Variants in SPOCK3 observed in about 807,000 individuals in gnomAD.
SPOCK3 encodes testican-3.
Under a neutral mutation model 56.6 loss-of-function variants are expected in SPOCK3, and 30 were observed. That is an observed-to-expected ratio of 0.53 (90% CI 0.40 to 0.72). The LOEUF (loss-of-function observed/expected upper bound fraction) is 0.72. Among genes scored for constraint, SPOCK3 ranks in the 30% least tolerant of loss-of-function variants. The pLI is 0.00. For synonymous variants in SPOCK3, 196 were observed against 183.3 expected, an observed-to-expected ratio of 1.07 and a Z score of -0.56; for missense variants, 527 against 530.0, an observed-to-expected ratio of 0.99 and a Z score of 0.06.
chr4:166,735,849 G>A, intron 10 of SPOCK3, among the ~76,000 whole-genome samples: 1 of 152,016 alleles, frequency 6.6e-6, no homozygotes, highest in East Asian at 1.9e-4. Context: ...CAGAAATGTA[G>A]GATAAATGTG....
At position 166,851,918 on chromosome 4, in the gene SPOCK3, T is replaced by C. The variant is rs113556828; in HGVS notation, c.589+37212A>G. Among the ~76,000 whole-genome samples the C allele has an allele frequency of 7.5e-3, 1,123 of 149,112 alleles. 6 individuals carry two copies. Among genetic ancestry groups the C allele is most frequent in the African/African-American group, 0.016 (651 of 40,350 alleles). On this transcript the variant is annotated intron_variant, in intron 6 of 10. Coordinates refer to ENST00000357545, the MANE Select transcript of SPOCK3 (RefSeq NM_001040159.2). ...AACCCAAATGTCCAACAATGATAGA[T>C]TGGATTAAGAAAATGTGGCACATAT... is the stretch of plus-strand genomic sequence containing the variant.
chr4:167,138,263 G>T (rs1763272755), intron 2 of SPOCK3, among the ~76,000 whole-genome samples: 1 of 151,646 alleles, frequency 6.6e-6, no homozygotes, highest in Non-Finnish European at 1.5e-5. Flanking sequence ...AAAACATTAG[G>T]TTTTAACTTC....
At chr4:167,169,903 T>C (rs78555382) in intron 2 of SPOCK3, among the ~76,000 whole-genome samples, 2 of 152,122 alleles carry the variant, frequency 1.3e-5, no homozygotes, top group South Asian at 2.1e-4. Flanking sequence ...GTTTTATAAA[T>C]GGGAGTTCCT....
At chr4:167,220,733 C>T (rs1279440149) in intron 2 of SPOCK3, among the ~76,000 whole-genome samples, 3 of 151,972 alleles carry the variant, frequency 2.0e-5, no homozygotes, top group Non-Finnish European at 4.4e-5. Flanking sequence ...GATATTCAGA[C>T]CTGCACTTTG....
At chr4:166,978,624 T>C (rs1189647729) in intron 4 of SPOCK3, among the ~76,000 whole-genome samples, 1 of 152,208 alleles carries the variant, frequency 6.6e-6, no homozygotes, top group East Asian at 1.9e-4. Context: ...GCCACTTGCA[T>C]TAACAGTTTA....
At chr4:166,850,980 C>A (rs1729978420) in intron 6 of SPOCK3, among the ~76,000 whole-genome samples, 1 of 152,366 alleles carries the variant, frequency 6.6e-6, no homozygotes, top group Middle Eastern at 3.4e-3. Context: ...CTTAAGGAGG[C>A]CTGCCTGCCT....
chr4:166,855,184 T>C (rs1168559273), intron 6 of SPOCK3, among the ~76,000 whole-genome samples: 2 of 152,148 alleles, frequency 1.3e-5, no homozygotes, highest in African/African-American at 4.8e-5. Context: ...AGAGAAAAGT[T>C]TCCCCCTGAC....
chr4:166,896,678 A>G (rs553521408), intron 5 of SPOCK3, among the ~76,000 whole-genome samples: 39 of 152,300 alleles, frequency 2.6e-4, no homozygotes, highest in Admixed American at 1.2e-3. Context: ...CAATGTGTCA[A>G]CATTCTTTGC....
intron 6 of SPOCK3, among the ~76,000 whole-genome samples, chr4:166,811,251 GTTTAA>G (rs966500036): frequency 4.7e-5 from 7 of 148,648 alleles, no homozygotes; most frequent in Non-Finnish European, 7.5e-5. Context: ...TGTTTCTTGG[GTTTAA>G]TTTGTTATTT....
chr4:166,745,067 C>G (rs191526186), intron 8 of SPOCK3, among the ~76,000 whole-genome samples: 52 of 152,194 alleles, frequency 3.4e-4, no homozygotes, highest in South Asian at 3.3e-3. Context: ...ACACTCTGCA[C>G]GATATTAACC....
chr4:167,020,602 C>G (rs977762846), intron 3 of SPOCK3, among the ~76,000 whole-genome samples: 3 of 151,952 alleles, frequency 2.0e-5, no homozygotes, highest in African/African-American at 7.2e-5. Flanking sequence ...CACCTTCTGC[C>G]ATATGGGGGC....
chr4:167,056,786 T>A (rs1754926056), intron 3 of SPOCK3, among the ~76,000 whole-genome samples: 1 of 152,082 alleles, frequency 6.6e-6, no homozygotes, highest in Non-Finnish European at 1.5e-5. Flanking sequence ...CGGGACTATG[T>A]GAAAAGACCA....
At chr4:166,847,687 C>CTATATATATATAT (rs1748251702) in intron 6 of SPOCK3, among the ~76,000 whole-genome samples, 1 of 51,862 alleles carries the variant, frequency 1.9e-5, no homozygotes, top group East Asian at 2.8e-4. Context: ...ATATAAGAAT[C>CTATATATATATAT]ATGTTTACTT....
At chr4:166,980,422 G>T (rs1746440639) in intron 4 of SPOCK3, among the ~76,000 whole-genome samples, 1 of 152,194 alleles carries the variant, frequency 6.6e-6, no homozygotes, top group Non-Finnish European at 1.5e-5. Flanking sequence ...GATCCTTTGG[G>T]TGTCACTTTT....
intron 4 of SPOCK3, among the ~76,000 whole-genome samples, chr4:166,922,605 G>A (rs62352343): frequency 0.076 from 11,538 of 151,984 alleles, 537 homozygotes; most frequent in Non-Finnish European, 0.1. Context: ...ACGTATCTGC[G>A]CCTAATACCT....
At chr4:167,113,436 T>C (rs186180639) in intron 2 of SPOCK3, among the ~76,000 whole-genome samples, 15 of 151,962 alleles carry the variant, frequency 9.9e-5, no homozygotes, top group African/African-American at 3.6e-4. Flanking sequence ...CAAGTTTGCA[T>C]AAGTAAAAAG....
intron 4 of SPOCK3, among the ~76,000 whole-genome samples, chr4:166,937,194 C>T (rs999566750): frequency 2.0e-5 from 3 of 151,720 alleles, no homozygotes; most frequent in African/African-American, 4.8e-5. Context: ...GTGTTTAATG[C>T]AGCAGAAACC....
chr4:166,860,932 C>A (rs1392405481), intron 6 of SPOCK3, among the ~76,000 whole-genome samples: 1 of 150,630 alleles, frequency 6.6e-6, no homozygotes. Context: ...AACACTATAA[C>A]GTCTGGAATA....
At position 166,800,183 on chromosome 4, in the gene SPOCK3, G is replaced by GAAAAAAAAAAAAAAA. The variant is rs367811359; in HGVS notation, c.590-7909_590-7895dup. On this transcript the variant is annotated intron_variant, in intron 6 of 10. Coordinates refer to ENST00000357545, the MANE Select transcript of SPOCK3 (RefSeq NM_001040159.2). ...GGCGACAGAGAGAGACTCCATCTCA[G>GAAAAAAAAAAAAAAA]AAAAAAAAAAAAAAAAAAAAAAATG... Among the ~76,000 whole-genome samples, 70 of 51,776 alleles carry GAAAAAAAAAAAAAAA rather than the reference G, an allele frequency of 1.4e-3. 6 individuals are homozygous for GAAAAAAAAAAAAAAA. Among genetic ancestry groups the GAAAAAAAAAAAAAAA allele is most frequent in the East Asian group, 4.2e-3 (3 of 714 alleles). The allele number at this position is 51,776 out of a possible 152,430, so 34.0% of individuals were successfully genotyped here. A position where few individuals can be genotyped will look rare whatever the true frequency, so the allele number is the denominator to read the frequency against.
Sources: gnomAD v4.1 joint callset for allele counts (sites outside exome capture counted in the v4.1 genomes callset) on GRCh38, gnomAD v4.1.1 for gene constraint, MANE v1.5 for transcripts, NCBI Gene and HGNC (gene_info 2026-07-23, HGNC 2026-07-21) for gene names.